The following COL4A2 variants were observed in gnomAD, a reference collection of about 807,000 sequenced individuals.
The protein encoded by COL4A2 is collagen type IV alpha 2 chain.
Under a neutral mutation model 200.2 loss-of-function variants are expected in COL4A2, and 99 were observed. The ratio of observed to expected loss-of-function variants is 0.49; its 90% CI spans 0.42 to 0.58. The LOEUF (loss-of-function observed/expected upper bound fraction) is 0.58, where lower values mean the gene tolerates loss of function less well. COL4A2 is among the 20% of genes least tolerant of loss of function. COL4A2 has a pLI of 0.00. For missense variants in COL4A2, 1,950 were observed against 2,314.1 expected, an observed-to-expected ratio of 0.84 and a Z score of 3.23; for synonymous variants, 897 against 900.6, an observed-to-expected ratio of 1.00 and a Z score of 0.07.
At chr13:110,387,656 G>A (rs770654059) in intron 4 of COL4A2, among the ~76,000 whole-genome samples, 19 of 152,236 alleles carry the variant, frequency 1.2e-4, no homozygotes, top group Non-Finnish European at 2.9e-5. Flanking sequence ...TGGCTTCCGG[G>A]ATCTGGAGTT....
chr13:110,483,128 T>G (rs992212283), intron 32 of COL4A2, among the ~76,000 whole-genome samples: 3 of 152,148 alleles, frequency 2.0e-5, no homozygotes, highest in African/African-American at 7.2e-5. Flanking sequence ...CGGACAGGCA[T>G]CTCAAGACCC....
intron 46 of COL4A2, 136 bp from the exon 47 acceptor site, chr13:110,507,799 C>T (rs544049702): frequency 1.2e-6 from 1 of 821,428 alleles, no homozygotes; most frequent in East Asian, 2.5e-5. Context: ...TTAGCCTGGC[C>T]CTCCAGTAGG....
At chr13:110,500,462 T>C (rs1375053711) in intron 40 of COL4A2, among the ~76,000 whole-genome samples, 1 of 152,170 alleles carries the variant, frequency 6.6e-6, no homozygotes, top group Non-Finnish European at 1.5e-5. Context: ...CTACAGCACA[T>C]AAAGCTCCAT....
intron 17 of COL4A2, 88 bp downstream of exon 17, chr13:110,445,970 G>A: frequency 7.0e-7 from 1 of 1,419,994 alleles, no homozygotes; most frequent in Non-Finnish European, 9.9e-7. Context: ...TCCTGTGGAG[G>A]CATCCCCTGC....
intron 3 of COL4A2, among the ~76,000 whole-genome samples, chr13:110,349,463 G>A (rs947739888): frequency 6.6e-6 from 1 of 152,148 alleles, no homozygotes. Context: ...CAGGAGGACC[G>A]GATGTCCTCT....
chr13:110,342,359 T>A (rs1415256992), intron 3 of COL4A2, among the ~76,000 whole-genome samples: 1 of 152,182 alleles, frequency 6.6e-6, no homozygotes. Flanking sequence ...GCTTACTCAG[T>A]GAAAATCCTA....
At chr13:110,489,398 A>G (rs1182594791) in intron 34 of COL4A2, 47 bp from the exon 35 acceptor site, 3 of 1,581,282 alleles carry the variant, frequency 1.9e-6, no homozygotes, top group Non-Finnish European at 2.6e-6. Context: ...CAGAGTTACA[A>G]CTGACTTCGC....
chr13:110,357,297 C>T (rs989582275), intron 3 of COL4A2, among the ~76,000 whole-genome samples, 175 bp from the exon 4 acceptor site: 1 of 152,094 alleles, frequency 6.6e-6, no homozygotes, highest in African/African-American at 2.4e-5. Context: ...CTCGATTTTG[C>T]TGTGCACCAA....
chr13:110,323,549 C>G (rs1418131837), intron 3 of COL4A2, among the ~76,000 whole-genome samples: 2 of 152,238 alleles, frequency 1.3e-5, no homozygotes, highest in East Asian at 1.9e-4. Context: ...GGCTCCTCTC[C>G]TAGACAGACA....
chr13:110,377,550 G>C (rs1878288666), intron 4 of COL4A2, among the ~76,000 whole-genome samples: 1 of 152,118 alleles, frequency 6.6e-6, no homozygotes, highest in East Asian at 1.9e-4. Flanking sequence ...TCAACTAATG[G>C]GCTTTCCATG....
rs12870631 is a variant in COL4A2, at chr13:110,405,041, G to A, written c.181-19693G>A. ...GAGAAGTGAGGATTGCTTTAGCCTA[G>A]GAGGTTGAGGCTGCAGTGAGTTGTG... is the stretch of plus-strand genomic sequence containing the variant. On this transcript the variant is annotated intron_variant, in intron 4 of 47. Coordinates refer to ENST00000360467, the MANE Select transcript of COL4A2 (RefSeq NM_001846.4). Among the ~76,000 whole-genome samples the A allele has an allele frequency of 3.0e-3, 457 of 152,320 alleles. 1 individual carries two copies. Among genetic ancestry groups the A allele is most frequent in the African/African-American group, 0.011 (442 of 41,576 alleles).
In COL4A2 at chr13:110,511,920, C is replaced by T. The variant is rs1414328322; in HGVS notation, c.4882-14C>T. Reference sequence around the variant, plus strand: ...TGTGATTCCTAACCCTGTCCTGCCCCCCTCTCTGTGCAGCACACGGCGGCG... The same window carrying T: ...TGTGATTCCTAACCCTGTCCTGCCCTCCTCTCTGTGCAGCACACGGCGGCG... On this transcript the variant is annotated splice_polypyrimidine_tract_variant and intron_variant, in intron 47 of 47. Coordinates refer to ENST00000360467, the MANE Select transcript of COL4A2 (RefSeq NM_001846.4). 1.2e-6 allele frequency: 2 copies of T among 1,613,340 alleles called. No homozygotes were observed. Among genetic ancestry groups the T allele is most frequent in the South Asian group, 1.1e-5 (1 of 91,066 alleles).
intron 3 of COL4A2, among the ~76,000 whole-genome samples, chr13:110,330,597 C>G (rs957303983): frequency 3.3e-5 from 5 of 152,144 alleles, no homozygotes; most frequent in African/African-American, 1.2e-4. Flanking sequence ...GAGTGCATAT[C>G]TTTGTTTTTC....
At chr13:110,319,726 A>G (rs886993196) in intron 3 of COL4A2, among the ~76,000 whole-genome samples, 5 of 152,204 alleles carry the variant, frequency 3.3e-5, no homozygotes, top group East Asian at 1.9e-4. Context: ...CCAAGTTACA[A>G]TTCAAGACCA....
At chr13:110,483,384 A>C (rs527554399) in intron 32 of COL4A2, among the ~76,000 whole-genome samples, 69 of 152,376 alleles carry the variant, frequency 4.5e-4, no homozygotes, top group African/African-American at 1.6e-3. Flanking sequence ...AGAGTTACCC[A>C]GAAGTTCTAC....
intron 4 of COL4A2, among the ~76,000 whole-genome samples, chr13:110,421,274 G>C (rs986245120): frequency 6.6e-6 from 1 of 152,204 alleles, no homozygotes; most frequent in African/African-American, 2.4e-5. Flanking sequence ...AAAGAATTCA[G>C]AACAGAGACT....
intron 31 of COL4A2, among the ~76,000 whole-genome samples, chr13:110,481,858 C>T (rs1276588464): frequency 6.8e-5 from 7 of 102,970 alleles, no homozygotes; most frequent in South Asian, 2.7e-4. Context: ...TGCTCTGTCC[C>T]TCCGTGCTGG....
chr13:110,467,001 G>A, intron 26 of COL4A2, 39 bp from the exon 27 acceptor site: 3 of 1,613,662 alleles, frequency 1.9e-6, no homozygotes, highest in Non-Finnish European at 2.5e-6. Context: ...TCAGTGTTTA[G>A]GATTGCTTGG....
chr13:110,438,812 A>ACACT, intron 15 of COL4A2, 144 bp downstream of exon 15: 2 of 487,990 alleles, frequency 4.1e-6, no homozygotes, highest in Non-Finnish European at 3.5e-6. Context: ...ACCCCCCCCC[A>ACACT]CACACACACA....
Sources: allele counts gnomAD v4.1 joint callset (sites outside exome capture counted in the v4.1 genomes callset), GRCh38; gene constraint gnomAD v4.1.1; transcripts MANE v1.5; gene names NCBI Gene and HGNC (gene_info 2026-07-23, HGNC 2026-07-21).